C11orf87: variants seen among roughly 807,000 people sequenced by gnomAD.
The protein encoded by C11orf87 is chromosome 11 open reading frame 87.
In C11orf87, 3 loss-of-function variants were observed where a neutral mutation model predicts 9.2. The observed-to-expected ratio is 0.33, with a 90% CI of 0.15 to 0.84. C11orf87 has a LOEUF of 0.84. C11orf87 is among the 40% of genes least tolerant of loss of function. The pLI is 0.55. For missense variants in C11orf87, 256 were observed against 270.7 expected (o/e 0.95, Z 0.38); for synonymous variants, 124 against 124.6 (o/e 1.00, Z 0.03).
chr11:109,422,990 A>G (rs1860514366), intron 1 of C11orf87, among the ~76,000 whole-genome samples: 1 of 151,870 alleles, frequency 6.6e-6, no homozygotes, highest in Non-Finnish European at 1.5e-5. Flanking sequence ...GAAGGGTAGG[A>G]TCCAGGCGAA....
In C11orf87 at chr11:109,423,985, C is replaced by A. The variant is rs1860534195; in HGVS notation, c.352C>A (p.Pro118Thr). The A allele has an allele frequency of 2.5e-6, 4 of 1,613,892 alleles. No homozygotes were observed. The highest frequency in any genetic ancestry group is 3.4e-6 in the Non-Finnish European group (4 of 1,179,882). The change falls in exon 2 of 2, where the codon CCT becomes ACT. Residue 118 changes from proline to threonine, a missense_variant. Coordinates refer to ENST00000327419, the MANE Select transcript of C11orf87 (RefSeq NM_207645.4). This position sits in a 1 kb window ranked among gnomAD's most constrained non-coding sequence, Gnocchi z 5.3. Reference protein sequence around the residue: ...GSRGGGGLPRPGRQAPTHAKE... With the variant: ...GSRGGGGLPRTGRQAPTHAKE... The stretch of plus-strand genomic sequence containing the variant: ...CCGCGGTGGCGGGGGGCTGCCCCGA[C>A]CTGGCAGGCAGGCCCCAACCCACGC...
In C11orf87 at chr11:109,423,872, C is replaced by G. The variant is rs1237174441; in HGVS notation, c.239C>G (p.Ser80Cys). 3 of 1,614,020 alleles carry G rather than the reference C, an allele frequency of 1.9e-6. No homozygotes were observed. Among genetic ancestry groups the G allele is most frequent in the Admixed American group, 1.7e-5 (1 of 60,008 alleles). ...TTCTGCCTCATCGTGCTGTCCCTCTCCACTTTCCACATCCACAAGCGTAGG... is the reference window on the plus strand; with the variant it reads ...TTCTGCCTCATCGTGCTGTCCCTCTGCACTTTCCACATCCACAAGCGTAGG... ...LIFCLIVLSL[S>C]TFHIHKRRMK... The change falls in exon 2 of 2, where the codon TCC (serine) becomes TGC (cysteine). Residue 80 changes from serine (S) to cysteine (C), a missense_variant. Transcript: ENST00000327419. This position sits in a 1 kb window ranked among gnomAD's most constrained non-coding sequence, Gnocchi z 5.3.
Position 109,423,561 on chromosome 11 carries a change from C to T in C11orf87, c.-73C>T. 1 of 1,451,166 alleles carries T rather than the reference C, an allele frequency of 6.9e-7. No individual in the cohort carries two copies. The highest frequency in any genetic ancestry group is 9.1e-7 in the Non-Finnish European group (1 of 1,093,372). The allele number at this position is 1,451,166 out of a possible 1,614,324, so 89.9% of individuals were successfully genotyped here. ...TTTTGGGTGGCGTGGGCTCCGTCCTCTTCTTGGCTGGTAGGAACGGTGTGC... is the reference window on the plus strand; with the variant it reads ...TTTTGGGTGGCGTGGGCTCCGTCCTTTTCTTGGCTGGTAGGAACGGTGTGC... On this transcript the variant is annotated 5_prime_UTR_variant, in exon 2 of 2. Transcript: ENST00000327419. This position sits in a 1 kb window ranked among gnomAD's most constrained non-coding sequence, Gnocchi z 5.3.
Position 109,423,507 on chromosome 11 carries a change from C to A in C11orf87, c.-127C>A. ...TTGCTCCCTTAGTCCTTGGCTCGCTCGCACACCCCCTCCCGCTACAGGGAG... is the reference window on the plus strand; with the variant it reads ...TTGCTCCCTTAGTCCTTGGCTCGCTAGCACACCCCCTCCCGCTACAGGGAG... On this transcript the variant is annotated 5_prime_UTR_variant, in exon 2 of 2. Coordinates refer to ENST00000327419, the MANE Select transcript of C11orf87 (RefSeq NM_207645.4). The surrounding 1 kb of genome is among the most constrained non-coding windows in gnomAD (Gnocchi z 5.3). 1 of 994,010 alleles carries A rather than the reference C, an allele frequency of 1.0e-6. No homozygotes were observed. 61.6% of individuals were successfully genotyped at this position (994,010 alleles called of 1,614,324 possible).
At position 109,424,531 on chromosome 11, in the gene C11orf87, T is replaced by C. The variant is rs1860545040; in HGVS notation, c.*304T>C. 1 of 178,666 alleles carries C rather than the reference T, an allele frequency of 5.6e-6. No homozygotes were observed. Among genetic ancestry groups the C allele is most frequent in the Non-Finnish European group, 1.3e-5 (1 of 76,254 alleles). 11.1% of individuals were successfully genotyped at this position (178,666 alleles called of 1,614,324 possible). A position where few individuals can be genotyped will look rare whatever the true frequency, so the allele number is the denominator to read the frequency against. On this transcript the variant is annotated 3_prime_UTR_variant, in exon 2 of 2. Coordinates refer to ENST00000327419, the MANE Select transcript of C11orf87 (RefSeq NM_207645.4). This position sits in a 1 kb window ranked among gnomAD's most constrained non-coding sequence, Gnocchi z 4.7. ...CATGACAAATCACATAATTTCTAACTGTCAATGGAGGATGCATCTTCCCAT... is the reference window on the plus strand; with the variant it reads ...CATGACAAATCACATAATTTCTAACCGTCAATGGAGGATGCATCTTCCCAT...
At chr11:109,422,722 CT>C (rs772868114) in intron 1 of C11orf87, among the ~76,000 whole-genome samples, 2,655 of 71,352 alleles carry the variant, frequency 0.037, 16 homozygotes, top group African/African-American at 0.06. Context: ...GCTTCAGCTG[CT>C]TTTTTTTTTT....
rs986212847 is a variant in C11orf87 at position 109,423,291 on chromosome 11, C to T, written c.-259-84C>T. 1.4e-4 allele frequency: 51 copies of T among 364,728 alleles called. 1 individual carries two copies. The highest frequency in any genetic ancestry group is 1.1e-4 in the Non-Finnish European group (22 of 200,108). 22.6% of individuals were successfully genotyped at this position (364,728 alleles called of 1,614,324 possible). ...AGCTCAGGCAGTGTGCCCAGAGGGC[C>T]GCTTTGCGGTGGTGGTTGATCTTTC... is the stretch of plus-strand genomic sequence containing the variant. On this transcript the variant is annotated intron_variant, in intron 1 of 1. Transcript: ENST00000327419. The surrounding 1 kb of genome is among the most constrained non-coding windows in gnomAD (Gnocchi z 5.3).
In C11orf87 at chr11:109,429,115, T is replaced by C. The variant is rs995779519; in HGVS notation, c.*4888T>C. On this transcript the variant is annotated 3_prime_UTR_variant, in exon 2 of 2. Coordinates refer to ENST00000327419, the MANE Select transcript of C11orf87 (RefSeq NM_207645.4). ...ATCAATAAAAGAGTTTTCTTGTTAA[T>C]TGGCTTTTTGGACACTATTTCCTTG... 6.6e-6 allele frequency: 1 copy of C among 152,212 alleles called. No homozygotes were observed. The highest frequency in any genetic ancestry group is 2.4e-5 in the African/African-American group (1 of 41,458). 9.4% of individuals were successfully genotyped at this position (152,212 alleles called of 1,614,324 possible).
rs766376076 is a variant in C11orf87, at chr11:109,423,978, G to A, written c.345G>A (p.Leu115=). The A allele has an allele frequency of 3.1e-6, 5 of 1,613,740 alleles. No individual in the cohort carries two copies. The highest frequency in any genetic ancestry group is 4.5e-5 in the East Asian group (2 of 44,888). ...GCGGCAGCCGCGGTGGCGGGGGGCT[G>A]CCCCGACCTGGCAGGCAGGCCCCAA... is the stretch of plus-strand genomic sequence containing the variant. ...HCSGSRGGGG[L]PRPGRQAPTH... The change falls in exon 2 of 2, where the codon CTG becomes CTA. Residue 115 remains leucine (L), a synonymous_variant. Transcript: ENST00000327419. The surrounding 1 kb of genome is among the most constrained non-coding windows in gnomAD (Gnocchi z 5.3).
intron 1 of C11orf87, among the ~76,000 whole-genome samples, chr11:109,422,954 G>A (rs745571731): frequency 1.3e-3 from 200 of 152,006 alleles, no homozygotes; most frequent in Non-Finnish European, 1.8e-3. Context: ...CCCGGAGCCC[G>A]CGCGGCGGCC....
rs1028255489 is a variant in C11orf87, at chr11:109,423,392, G to C, written c.-242G>C. On this transcript the variant is annotated 5_prime_UTR_variant, in exon 2 of 2. Coordinates refer to ENST00000327419, the MANE Select transcript of C11orf87 (RefSeq NM_207645.4). The surrounding 1 kb of genome is among the most constrained non-coding windows in gnomAD (Gnocchi z 5.3). The stretch of plus-strand genomic sequence containing the variant: ...CTTTGCAGCCTGGTGCCTCTGCAAA[G>C]GAAAGGGGAGCGTGGAGACGTGTTC... 5.3e-6 allele frequency: 3 copies of C among 571,254 alleles called. No individual in the cohort carries two copies. Among genetic ancestry groups the C allele is most frequent in the Admixed American group, 3.3e-5 (1 of 30,030 alleles). 35.4% of individuals were successfully genotyped at this position (571,254 alleles called of 1,614,324 possible).
At chr11:109,422,567 G>A (rs150662918) in intron 1 of C11orf87, among the ~76,000 whole-genome samples, 2 of 152,118 alleles carry the variant, frequency 1.3e-5, no homozygotes, top group Non-Finnish European at 2.9e-5. Flanking sequence ...ACAGAAAGAA[G>A]GTCCCGTTCC....
Position 109,428,557 on chromosome 11 carries a change from T to G in C11orf87, c.*4330T>G, listed in dbSNP as rs900155313. On this transcript the variant is annotated 3_prime_UTR_variant, in exon 2 of 2. Coordinates refer to ENST00000327419, the MANE Select transcript of C11orf87 (RefSeq NM_207645.4). ...TTTTAATATAATCTGATCAGGTTCCTTAGTCCCATTCCCATGTGAATCTGA... is the reference window on the plus strand; with the variant it reads ...TTTTAATATAATCTGATCAGGTTCCGTAGTCCCATTCCCATGTGAATCTGA... The G allele has an allele frequency of 5.3e-5, 8 of 152,184 alleles. No homozygotes were observed. Among genetic ancestry groups the G allele is most frequent in the African/African-American group, 1.9e-4 (8 of 41,462 alleles). 9.4% of individuals were successfully genotyped at this position (152,184 alleles called of 1,614,324 possible).
intron 1 of C11orf87, among the ~76,000 whole-genome samples, chr11:109,422,639 T>C (rs1392033047): frequency 6.6e-6 from 1 of 151,298 alleles, no homozygotes; most frequent in Non-Finnish European, 1.5e-5. Context: ...AGAAGCAGGC[T>C]ACTGCCAAGT....
Position 109,423,669 on chromosome 11 carries a change from G to A in C11orf87, c.36G>A (p.Ala12=), listed in dbSNP as rs1452867476. Residue 12 remains alanine, a synonymous_variant, in exon 2 of 2, where the codon GCG becomes GCA. Transcript: ENST00000327419. The surrounding 1 kb of genome is among the most constrained non-coding windows in gnomAD (Gnocchi z 5.3). ...GGGCGCCGAAGGAGCTGAGGCTGGC[G>A]TTGCCGCCGTGTCTCCTCAACCGGA... is the stretch of plus-strand genomic sequence containing the variant. ...SARAPKELRL[A]LPPCLLNRTF... 2 of 1,607,256 alleles carry A rather than the reference G, an allele frequency of 1.2e-6. No individual in the cohort carries two copies. Among genetic ancestry groups the A allele is most frequent in the Non-Finnish European group, 8.5e-7 (1 of 1,179,692 alleles).
Position 109,423,301 on chromosome 11 carries a change from T to G in C11orf87, c.-259-74T>G. On this transcript the variant is annotated intron_variant, in intron 1 of 1. Coordinates refer to ENST00000327419, the MANE Select transcript of C11orf87 (RefSeq NM_207645.4). The surrounding 1 kb of genome is among the most constrained non-coding windows in gnomAD (Gnocchi z 5.3). ...GTGTGCCCAGAGGGCCGCTTTGCGGTGGTGGTTGATCTTTCCCGACAGCAC... is the reference window on the plus strand; with the variant it reads ...GTGTGCCCAGAGGGCCGCTTTGCGGGGGTGGTTGATCTTTCCCGACAGCAC... The G allele has an allele frequency of 5.4e-6, 2 of 373,272 alleles. No homozygotes were observed. The highest frequency in any genetic ancestry group is 9.7e-6 in the Non-Finnish European group (2 of 205,758). The allele number at this position is 373,272 out of a possible 1,614,324, so 23.1% of individuals were successfully genotyped here.
rs558511616 is a variant in C11orf87, at chr11:109,425,471, C to G, written c.*1244C>G. The G allele has an allele frequency of 6.0e-6, 1 of 167,136 alleles. No individual in the cohort carries two copies. The highest frequency in any genetic ancestry group is 2.1e-4 in the South Asian group (1 of 4,820). 10.4% of individuals were successfully genotyped at this position (167,136 alleles called of 1,614,324 possible). A position where few individuals can be genotyped will look rare whatever the true frequency, so the allele number is the denominator to read the frequency against. On this transcript the variant is annotated 3_prime_UTR_variant, in exon 2 of 2. Transcript: ENST00000327419. The stretch of plus-strand genomic sequence containing the variant: ...AACTGTATATTATTGTTCTTAATTT[C>G]CAGCTGTTGATATAATGGTTACCAC...
chr11:109,423,528 G>T lies in C11orf87; in HGVS notation c.-106G>T. 8.5e-7 allele frequency: 1 copy of T among 1,176,066 alleles called. No homozygotes were observed. Among genetic ancestry groups the T allele is most frequent in the African/African-American group, 1.5e-5 (1 of 64,568 alleles). 72.9% of individuals were successfully genotyped at this position (1,176,066 alleles called of 1,614,324 possible). A position where few individuals can be genotyped will look rare whatever the true frequency, so the allele number is the denominator to read the frequency against. On this transcript the variant is annotated 5_prime_UTR_variant, in exon 2 of 2. It adds an upstream start codon to the 5' untranslated region. Coordinates refer to ENST00000327419, the MANE Select transcript of C11orf87 (RefSeq NM_207645.4). This position sits in a 1 kb window ranked among gnomAD's most constrained non-coding sequence, Gnocchi z 5.3. ...CGCTCGCACACCCCCTCCCGCTACA[G>T]GGAGCAGTTTTGGGTGGCGTGGGCT...
chr11:109,424,274 C>A lies in C11orf87; in HGVS notation c.*47C>A. On this transcript the variant is annotated 3_prime_UTR_variant, in exon 2 of 2. Transcript: ENST00000327419. This position sits in a 1 kb window ranked among gnomAD's most constrained non-coding sequence, Gnocchi z 4.7. ...CCGTCCTCGTTTCCAGCATCTTTGC[C>A]ACCCTTGCTTTTTTCCTTCTTCCTT... 6.7e-7 allele frequency: 1 copy of A among 1,490,818 alleles called. No individual in the cohort carries two copies. Among genetic ancestry groups the A allele is most frequent in the Non-Finnish European group, 9.2e-7 (1 of 1,085,384 alleles). 92.3% of individuals were successfully genotyped at this position (1,490,818 alleles called of 1,614,324 possible).
Sources: gnomAD v4.1 joint callset for allele counts (sites outside exome capture counted in the v4.1 genomes callset) on GRCh38, gnomAD v4.1.1 for gene constraint, Gnocchi (gnomAD v3.1) non-coding constraint, MANE v1.5 for transcripts, NCBI Gene and HGNC (gene_info 2026-07-23, HGNC 2026-07-21) for gene names.